NWD1: variants seen among roughly 807,000 people sequenced by gnomAD.
NWD1 encodes the protein NACHT domain- and WD repeat-containing protein 1.
Under a neutral mutation model 135.1 loss-of-function variants are expected in NWD1, and 129 were observed. That is an observed-to-expected ratio of 0.96 (90% CI 0.83 to 1.11). The LOEUF is 1.11. Among genes scored for constraint, NWD1 ranks in the 50% least tolerant of loss-of-function variants. The pLI, the probability that NWD1 is intolerant of heterozygous loss-of-function variation, is 0.00. For missense variants in NWD1, 1,740 were observed against 1,851.3 expected (o/e 0.94, Z 1.10); for synonymous variants, 773 against 786.0 (o/e 0.98, Z 0.28).
intron 18 of NWD1, among the ~76,000 whole-genome samples, chr19:16,811,374 A>C (rs1480808551): frequency 6.6e-6 from 1 of 152,094 alleles, no homozygotes; most frequent in Non-Finnish European, 1.5e-5. Flanking sequence ...ACTTGAGGTC[A>C]GGAGTTCGAG....
rs779463393 is a variant in NWD1 at position 16,749,680 on chromosome 19, A to C, written c.1038A>C (p.Gly346=). 2 of 1,599,754 alleles carry C rather than the reference A, an allele frequency of 1.3e-6. No individual in the cohort carries two copies. Among genetic ancestry groups the C allele is most frequent in the Non-Finnish European group, 1.7e-6 (2 of 1,170,864 alleles). ...TACTCTTTGGGCCCCCAGGCATTGG[A>C]AAGACAGCCCTGATGTGCAAGCTGG... is the stretch of plus-strand genomic sequence containing the variant. The part of the protein sequence containing the change: ...PLVLFGPPGI[G]KTALMCKLAE... Residue 346 remains glycine, a synonymous_variant, in exon 6 of 19, where the codon GGA becomes GGC. Transcript: ENST00000524140.
rs761500318 is a variant in NWD1 at position 16,749,376 on chromosome 19, C to G, written c.734C>G (p.Pro245Arg). The change falls in exon 6 of 19, where the codon CCG (proline) becomes CGG (arginine). Residue 245 changes from proline (P) to arginine (R), a missense_variant. Pro to Arg is a moderately radical substitution (Grantham distance 103, BLOSUM62 -2). Transcript: ENST00000524140. ...HPGVLKTHRLPWSRDLVNPKN... is the reference protein window; with the variant it reads ...HPGVLKTHRLRWSRDLVNPKN... ...GGGGTCCTCAAGACCCACCGCCTGC[C>G]GTGGAGCCGCGACTTGGTGAACCCC... 49 of 1,613,630 alleles carry G rather than the reference C, an allele frequency of 3.0e-5. No homozygotes were observed. The highest frequency in any genetic ancestry group is 3.6e-5 in the Non-Finnish European group (42 of 1,179,774).
At chr19:16,743,493 C>T (rs1968171290) in intron 4 of NWD1, among the ~76,000 whole-genome samples, 3 of 152,128 alleles carry the variant, frequency 2.0e-5, no homozygotes, top group Admixed American at 1.3e-4. Context: ...CAGGCGTGAG[C>T]CACCATGCCT....
chr19:16,765,332 G>A (rs1969184843), intron 10 of NWD1, 140 bp downstream of exon 10: 2 of 886,740 alleles, frequency 2.3e-6, no homozygotes, highest in South Asian at 3.8e-5. Flanking sequence ...TCCCCCAGCA[G>A]TGCTTCTAGA....
intron 6 of NWD1, among the ~76,000 whole-genome samples, chr19:16,752,769 G>A (rs546401905): frequency 6.6e-6 from 1 of 152,296 alleles, no homozygotes; most frequent in South Asian, 2.1e-4. Flanking sequence ...GGCCAAGGTG[G>A]GAGAATTACT....
intron 18 of NWD1, among the ~76,000 whole-genome samples, chr19:16,811,441 G>T (rs140099076): frequency 3.3e-5 from 5 of 151,620 alleles, no homozygotes; most frequent in African/African-American, 1.2e-4. Flanking sequence ...AAAATTAGCC[G>T]GGCATGGTGG....
intron 3 of NWD1, among the ~76,000 whole-genome samples, chr19:16,733,752 C>G (rs28428860): frequency 0.054 from 8,164 of 152,180 alleles, 268 homozygotes; most frequent in African/African-American, 0.08. Context: ...CCATGCCCGT[C>G]CTCTGACGCG....
At chr19:16,781,552 G>T (rs1019263847) in intron 12 of NWD1, among the ~76,000 whole-genome samples, 3 of 151,624 alleles carry the variant, frequency 2.0e-5, no homozygotes, top group African/African-American at 7.3e-5. Context: ...GGAGATTGGG[G>T]CTACAGTGAG....
At chr19:16,729,554 C>T (rs920449948) in intron 2 of NWD1, among the ~76,000 whole-genome samples, 1 of 147,258 alleles carries the variant, frequency 6.8e-6, no homozygotes, top group South Asian at 2.1e-4. Flanking sequence ...AGCAACATGG[C>T]GAGGCCCCAT....
At chr19:16,759,486 C>A in intron 7 of NWD1, 58 bp downstream of exon 7, 1 of 1,318,988 alleles carries the variant, frequency 7.6e-7, no homozygotes. Flanking sequence ...AGAATGAGGA[C>A]TCACTGGCCG....
At chr19:16,770,067 C>T (rs1292940429) in intron 10 of NWD1, among the ~76,000 whole-genome samples, 1 of 152,192 alleles carries the variant, frequency 6.6e-6, no homozygotes, top group Non-Finnish European at 1.5e-5. Context: ...CCACATCAGA[C>T]TCTGAGCTCC....
intron 12 of NWD1, among the ~76,000 whole-genome samples, chr19:16,783,511 G>A (rs954986073): frequency 6.6e-6 from 1 of 152,004 alleles, no homozygotes; most frequent in Non-Finnish European, 1.5e-5. Flanking sequence ...ATATATACCT[G>A]TAATCCCAGC....
At chr19:16,736,780 C>T in intron 4 of NWD1, 30 bp downstream of exon 4, 1 of 1,258,038 alleles carries the variant, frequency 7.9e-7, no homozygotes, top group Non-Finnish European at 1.1e-6. Flanking sequence ...TGGGTTAGCT[C>T]TTACTCCTCC....
At position 16,789,087 on chromosome 19, in the gene NWD1, T is replaced by C. The variant is rs1970154874; in HGVS notation, c.2837T>C (p.Phe946Ser). Residue 946 changes from phenylalanine (F) to serine (S), a missense_variant, in exon 13 of 19, where the codon TTT becomes TCT. By Grantham distance (155) the Phe-to-Ser change is radical (BLOSUM62 -2). Coordinates refer to ENST00000524140, the MANE Select transcript of NWD1 (RefSeq NM_001007525.5). ...AACTTACTCTCTGGCCAGGAGAAAT[T>C]TACCATTTGGGATGGAGGCTCAAAA... The part of the protein sequence containing the change: ...LWNLLSGQEK[F>S]TIWDGGSKNP... 6.2e-7 allele frequency: 1 copy of C among 1,613,676 alleles called. No homozygotes were observed. Among genetic ancestry groups the C allele is most frequent in the Admixed American group, 1.7e-5 (1 of 59,950 alleles).
intron 14 of NWD1, among the ~76,000 whole-genome samples, chr19:16,794,158 G>T (rs1250340344): frequency 1.3e-5 from 2 of 152,060 alleles, no homozygotes; most frequent in African/African-American, 4.8e-5. Flanking sequence ...CTGAGATCAA[G>T]AGTTTGAGAC....
intron 10 of NWD1, among the ~76,000 whole-genome samples, chr19:16,768,216 G>A (rs191499194): frequency 9.0e-4 from 137 of 151,988 alleles, no homozygotes; most frequent in Admixed American, 1.4e-3. Flanking sequence ...GGCTGGTCTC[G>A]AACTCCTGAC....
intron 6 of NWD1, among the ~76,000 whole-genome samples, chr19:16,756,376 G>A (rs1484385546): frequency 6.6e-6 from 1 of 152,164 alleles, no homozygotes; most frequent in African/African-American, 2.4e-5. Flanking sequence ...GAGGAAGAGG[G>A]GAGGAGGAGA....
chr19:16,754,186 C>T (rs573458718), intron 6 of NWD1, among the ~76,000 whole-genome samples: 14 of 151,228 alleles, frequency 9.3e-5, no homozygotes, highest in South Asian at 2.1e-4. Flanking sequence ...TCCATCATCT[C>T]GATCTTCCAT....
intron 18 of NWD1, among the ~76,000 whole-genome samples, chr19:16,808,998 T>C (rs1970839401): frequency 1.3e-5 from 2 of 152,124 alleles, no homozygotes; most frequent in East Asian, 3.9e-4. Flanking sequence ...GCGGAAGGAT[T>C]GATTGAGCCC....
Sources: gnomAD v4.1 joint callset for allele counts (sites outside exome capture counted in the v4.1 genomes callset) on GRCh38, gnomAD v4.1.1 for gene constraint, MANE v1.5 for transcripts, NCBI Gene and HGNC (gene_info 2026-07-23, HGNC 2026-07-21) for gene names.